Variants in PDS5B observed in about 807,000 individuals in gnomAD.
PDS5B encodes the protein PDS5 cohesin associated factor B, also known as sister chromatid cohesion protein PDS5 homolog B.
A neutral mutation model predicts 184.1 loss-of-function variants in PDS5B; 51 were observed. That is an observed-to-expected ratio of 0.28 (90% CI 0.22 to 0.35). The LOEUF (loss-of-function observed/expected upper bound fraction) is 0.35. Ranked by LOEUF, PDS5B falls within the 10% of genes least tolerant of loss-of-function variation. The pLI, the probability that PDS5B is intolerant of heterozygous loss-of-function variation, is 1.00. For missense variants in PDS5B, 1,180 were observed against 1,723.3 expected (o/e 0.68, Z 5.58); for synonymous variants, 566 against 569.2 (o/e 0.99, Z 0.08).
At chr13:32,645,164 G>A (rs928911293) in intron 1 of PDS5B, among the ~76,000 whole-genome samples, 1 of 151,848 alleles carries the variant, frequency 6.6e-6, no homozygotes, top group Non-Finnish European at 1.5e-5. Context: ...TAATTTTTTT[G>A]TAGGGGCAAG....
rs190293813 is a variant in PDS5B, at chr13:32,606,426, C to T, written c.-20+19833C>T. Among the ~76,000 whole-genome samples the T allele has an allele frequency of 1.0e-2, 1,516 of 152,216 alleles. 11 individuals carry two copies. The highest frequency in any genetic ancestry group is 0.026 in the African/African-American group (1,062 of 41,530). On this transcript the variant is annotated intron_variant, in intron 1 of 34. Coordinates refer to ENST00000315596, the MANE Select transcript of PDS5B (RefSeq NM_015032.4). ...CTCTTCTGGCTTGTAGAGTTTCTGC[C>T]GAGAGGTCTGCTGTTAGTCTGATGG...
intron 1 of PDS5B, among the ~76,000 whole-genome samples, chr13:32,631,550 T>C (rs1455731432): frequency 6.6e-6 from 1 of 152,148 alleles, no homozygotes; most frequent in East Asian, 1.9e-4. Context: ...ATATAATAGG[T>C]GCTCAATAAA....
chr13:32,760,198 A>G (rs374196349), intron 29 of PDS5B, among the ~76,000 whole-genome samples: 28 of 152,182 alleles, frequency 1.8e-4, no homozygotes, highest in African/African-American at 5.5e-4. Context: ...CTCGTGATAC[A>G]CCCGCCTTGG....
At chr13:32,613,972 A>G (rs1002693412) in intron 1 of PDS5B, among the ~76,000 whole-genome samples, 4 of 152,252 alleles carry the variant, frequency 2.6e-5, no homozygotes, top group African/African-American at 9.6e-5. Context: ...CTGTTCTGTC[A>G]CCGTTTGTTG....
At chr13:32,649,545 A>C (rs554504631) in intron 2 of PDS5B, 1 of 152,310 alleles carries the variant, frequency 6.6e-6, no homozygotes, top group East Asian at 1.9e-4. Flanking sequence ...GGTTGTATCT[A>C]CCTAGATATT....
chr13:32,612,977 C>T (rs1446530860), intron 1 of PDS5B, among the ~76,000 whole-genome samples: 1 of 152,194 alleles, frequency 6.6e-6, no homozygotes, highest in East Asian at 1.9e-4. Context: ...TTTGCCTATT[C>T]TGAACATTGC....
intron 24 of PDS5B, among the ~76,000 whole-genome samples, chr13:32,746,717 A>G (rs35653099): frequency 1.3e-5 from 2 of 152,210 alleles, no homozygotes; most frequent in Non-Finnish European, 1.5e-5. Flanking sequence ...AATAGACCTC[A>G]AAAAGGACAC....
In PDS5B at chr13:32,770,779, C is replaced by A. The variant is rs1398991391; in HGVS notation, c.4172+18C>A. 6.5e-7 allele frequency: 1 copy of A among 1,530,982 alleles called. No homozygotes were observed. The highest frequency in any genetic ancestry group is 1.2e-5 in the South Asian group (1 of 84,418). The allele number at this position is 1,530,982 out of a possible 1,614,324, so 94.8% of individuals were successfully genotyped here. A position where few individuals can be genotyped will look rare whatever the true frequency, so the allele number is the denominator to read the frequency against. Reference sequence around the variant, plus strand: ...AAAAATGTGTAAGTTGTAAATATTACATTTCAAACCAATTTCAAATTATTT... The same window carrying A: ...AAAAATGTGTAAGTTGTAAATATTAAATTTCAAACCAATTTCAAATTATTT... On this transcript the variant is annotated intron_variant, in intron 33 of 34. Transcript: ENST00000315596.
At chr13:32,628,274 G>C (rs1163130465) in intron 1 of PDS5B, among the ~76,000 whole-genome samples, 2 of 151,602 alleles carry the variant, frequency 1.3e-5, no homozygotes, top group African/African-American at 2.4e-5. Context: ...AAATAATTTT[G>C]GGCTAGGTGT....
At position 32,593,679 on chromosome 13, in the gene PDS5B, A is replaced by G. The variant is rs140633424; in HGVS notation, c.-20+7086A>G. Among the ~76,000 whole-genome samples the G allele has an allele frequency of 9.0e-3, 1,369 of 152,322 alleles. 16 individuals are homozygous for G. Among genetic ancestry groups the G allele is most frequent in the Admixed American group, 0.013 (206 of 15,290 alleles). On this transcript the variant is annotated intron_variant, in intron 1 of 34. Transcript: ENST00000315596. ...CTTAAAGCAAGCTAGAGAGAAGACA[A>G]TGTTATTAAGAAAATTATAAGGAAG...
intron 1 of PDS5B, among the ~76,000 whole-genome samples, chr13:32,587,432 G>GT (rs1464360219): frequency 6.6e-6 from 1 of 152,168 alleles, no homozygotes; most frequent in East Asian, 1.9e-4. Flanking sequence ...ACTCGTTATT[G>GT]TTTTTACACT....
intron 1 of PDS5B, among the ~76,000 whole-genome samples, chr13:32,636,592 C>G (rs909958571): frequency 1.3e-5 from 2 of 152,200 alleles, no homozygotes; most frequent in Non-Finnish European, 2.9e-5. Flanking sequence ...TATTTAACCT[C>G]TTTGAACCTC....
intron 17 of PDS5B, among the ~76,000 whole-genome samples, chr13:32,705,755 T>C (rs1951992093): frequency 1.3e-5 from 2 of 152,156 alleles, no homozygotes; most frequent in East Asian, 1.9e-4. Context: ...CATAGCTCAC[T>C]GTAACCTTAA....
At chr13:32,627,140 T>C (rs1319163961) in intron 1 of PDS5B, among the ~76,000 whole-genome samples, 1 of 152,242 alleles carries the variant, frequency 6.6e-6, no homozygotes, top group Non-Finnish European at 1.5e-5. Context: ...TTACCTGGTG[T>C]CTGACAGATC....
intron 1 of PDS5B, among the ~76,000 whole-genome samples, chr13:32,637,885 A>C (rs922421451): frequency 2.0e-5 from 3 of 152,236 alleles, no homozygotes; most frequent in Non-Finnish European, 4.4e-5. Context: ...CTTTTACTGC[A>C]TAACAAATCA....
chr13:32,708,297 T>C (rs908161703), intron 18 of PDS5B, among the ~76,000 whole-genome samples: 5 of 152,224 alleles, frequency 3.3e-5, no homozygotes. Context: ...AATTCTTTCC[T>C]TGGCAAAGCC....
At chr13:32,591,420 T>A (rs1310658477) in intron 1 of PDS5B, among the ~76,000 whole-genome samples, 1 of 152,184 alleles carries the variant, frequency 6.6e-6, no homozygotes, top group Non-Finnish European at 1.5e-5. Flanking sequence ...TCCGGCCTAC[T>A]GTTTTATTTT....
intron 13 of PDS5B, chr13:32,690,436 TGTTCCAAG>T (rs1951516628): frequency 6.6e-6 from 1 of 152,176 alleles, no homozygotes; most frequent in African/African-American, 2.4e-5. Context: ...AGTATGAAGG[TGTTCCAAG>T]GTTCTTTTGT....
intron 1 of PDS5B, among the ~76,000 whole-genome samples, chr13:32,601,956 T>C (rs888290957): frequency 6.6e-6 from 1 of 152,256 alleles, no homozygotes; most frequent in African/African-American, 2.4e-5. Context: ...TCTTTTGAAT[T>C]TGAACATTGT....
Sources: gnomAD v4.1 joint callset for allele counts (sites outside exome capture counted in the v4.1 genomes callset) on GRCh38, gnomAD v4.1.1 for gene constraint, MANE v1.5 for transcripts, NCBI Gene and HGNC (gene_info 2026-07-23, HGNC 2026-07-21) for gene names.